The following HMOX2 variants were observed in gnomAD, a reference collection of about 807,000 sequenced individuals.
HMOX2 encodes the protein heme oxygenase 2, also known as heme oxygenase (decycling) 2.
Under a neutral mutation model 33.7 loss-of-function variants are expected in HMOX2, and 30 were observed. The observed-to-expected ratio is 0.89, with a 90% CI of 0.67 to 1.21. The LOEUF is 1.21. Ranked by LOEUF, HMOX2 falls within the 50% of genes most tolerant of loss-of-function variation. The pLI is 0.00. For synonymous variants in HMOX2, 155 were observed against 155.0 expected (o/e 1.00, Z 0.00); for missense variants, 403 against 399.1 (o/e 1.01, Z -0.08).
In HMOX2 at chr16:4,488,109, G is replaced by A. The variant is rs1018889005; in HGVS notation, c.-42+11622G>A. On this transcript the variant is annotated intron_variant, in intron 1 of 5. Transcript: ENST00000570646. The stretch of plus-strand genomic sequence containing the variant: ...TTGCACTCCATTGTTTCGCTGCAAC[G>A]AGAGGGAAACTCCATCTCAAAAAAA... 2.2e-5 allele frequency among the ~76,000 whole-genome samples: 3 copies of A among 138,506 alleles called. No homozygotes were observed. The East Asian group carries it at 6.2e-4, about 29-fold the overall frequency. The allele number at this position is 138,506 out of a possible 152,430, so 90.9% of individuals were successfully genotyped here. A position where few individuals can be genotyped will look rare whatever the true frequency, so the allele number is the denominator to read the frequency against.
chr16:4,501,719 C>T (rs1027597283), intron 1 of HMOX2, among the ~76,000 whole-genome samples: 4 of 152,132 alleles, frequency 2.6e-5, no homozygotes, highest in African/African-American at 9.7e-5. Context: ...GTATAGAAAC[C>T]AGCCAGACTA....
intron 1 of HMOX2, among the ~76,000 whole-genome samples, chr16:4,498,428 G>A (rs1188510260): frequency 1.3e-5 from 2 of 151,100 alleles, no homozygotes; most frequent in Non-Finnish European, 2.9e-5. Flanking sequence ...AGGCTGGAGT[G>A]CAACGGTGTG....
At chr16:4,488,972 T>C (rs2141548886) in intron 1 of HMOX2, among the ~76,000 whole-genome samples, 1 of 152,126 alleles carries the variant, frequency 6.6e-6, no homozygotes, top group Admixed American at 6.6e-5. Context: ...ATGACAGGCA[T>C]GTGCCACCAC....
Position 4,498,751 on chromosome 16 carries a change from T to C in HMOX2, c.-41-6733T>C, listed in dbSNP as rs933132393. Among the ~76,000 whole-genome samples, 5 of 152,228 alleles carry C rather than the reference T, an allele frequency of 3.3e-5. No individual in the cohort carries two copies. The South Asian group carries it at 6.2e-4, about 19-fold the overall frequency. ...CCGTGGGATTGAATTCCCCCAGCGA[T>C]TGAAATGAAAGGGCTTATGTATAAC... On this transcript the variant is annotated intron_variant, in intron 1 of 5. Coordinates refer to ENST00000570646, the MANE Select transcript of HMOX2 (RefSeq NM_002134.4).
intron 1 of HMOX2, among the ~76,000 whole-genome samples, chr16:4,485,682 T>A (rs1046106461): frequency 1.3e-5 from 2 of 152,156 alleles, no homozygotes; most frequent in Non-Finnish European, 2.9e-5. Flanking sequence ...GATAGACTCC[T>A]TTTAGAACAG....
chr16:4,486,075 C>G (rs914669522), intron 1 of HMOX2, among the ~76,000 whole-genome samples: 2 of 152,144 alleles, frequency 1.3e-5, no homozygotes, highest in African/African-American at 4.8e-5. Flanking sequence ...AATCTGAAGC[C>G]TTGCTCTGAT....
chr16:4,505,405 T>C (rs2141602317), intron 1 of HMOX2, 79 bp from the exon 2 acceptor site: 1 of 658,582 alleles, frequency 1.5e-6, no homozygotes, highest in Non-Finnish European at 2.7e-6. Flanking sequence ...ACATTCGCTC[T>C]GAGGAAAGCA....
intron 1 of HMOX2, among the ~76,000 whole-genome samples, chr16:4,483,364 T>TC (rs1475977658): frequency 1.3e-5 from 2 of 151,760 alleles, no homozygotes; most frequent in African/African-American, 4.8e-5. Flanking sequence ...CATGGTTGGT[T>TC]CCCCAGGCAA....
At chr16:4,497,803 G>T (rs2058458980) in intron 1 of HMOX2, among the ~76,000 whole-genome samples, 2 of 151,974 alleles carry the variant, frequency 1.3e-5, no homozygotes, top group South Asian at 4.1e-4. Context: ...TCACTTTGTT[G>T]CCCAGGATGG....
intron 1 of HMOX2, among the ~76,000 whole-genome samples, chr16:4,476,967 C>T (rs574387967): frequency 6.6e-6 from 1 of 152,238 alleles, no homozygotes; most frequent in Non-Finnish European, 1.5e-5. Flanking sequence ...TCCTCTAATG[C>T]CCTTATCTCT....
At chr16:4,480,898 C>T (rs1483393033) in intron 1 of HMOX2, among the ~76,000 whole-genome samples, 2 of 151,324 alleles carry the variant, frequency 1.3e-5, no homozygotes, top group African/African-American at 4.9e-5. Context: ...AGGTGATCCA[C>T]CTACCTCGGC....
At chr16:4,495,704 AAGAT>A (rs1342738401) in intron 1 of HMOX2, 2 of 152,380 alleles carry the variant, frequency 1.3e-5, no homozygotes, top group African/African-American at 4.8e-5. Flanking sequence ...AGTAGGCAGA[AAGAT>A]AGAACTGCTT....
At position 4,487,793 on chromosome 16, in the gene HMOX2, A is replaced by AC. The variant is rs544602711; in HGVS notation, c.-42+11306_-42+11307insC. Among the ~76,000 whole-genome samples, 548 of 150,218 alleles carry AC rather than the reference A, an allele frequency of 3.6e-3. 3 individuals are homozygous for AC. The highest frequency in any genetic ancestry group is 0.013 in the African/African-American group (524 of 40,736). On this transcript the variant is annotated intron_variant, in intron 1 of 5. Transcript: ENST00000570646. Reference sequence around the variant, plus strand: ...ACAGAGCGAGACTCCGTCTCAAAAAAAAAAAAAATTAGCCGGGCGCGGTGG... The same window carrying AC: ...ACAGAGCGAGACTCCGTCTCAAAAAACAAAAAAAATTAGCCGGGCGCGGTGG...
chr16:4,508,471 G>T (rs1393614872), intron 4 of HMOX2, among the ~76,000 whole-genome samples: 1 of 152,180 alleles, frequency 6.6e-6, no homozygotes, highest in Non-Finnish European at 1.5e-5. Context: ...GAAGAATGGA[G>T]CTGGCTTCCT....
intron 1 of HMOX2, chr16:4,481,681 G>T (rs976781984): frequency 6.6e-6 from 1 of 152,146 alleles, no homozygotes; most frequent in Non-Finnish European, 1.5e-5. Context: ...GGTACTTGAC[G>T]TGCAGAGCAA....
At chr16:4,498,061 C>CTTTTTTTT (rs35332500) in intron 1 of HMOX2, among the ~76,000 whole-genome samples, 15 of 104,424 alleles carry the variant, frequency 1.4e-4, no homozygotes, top group South Asian at 3.1e-4. Context: ...GATTCATTGT[C>CTTTTTTTT]TTTTTTTTTT....
intron 4 of HMOX2, 122 bp from the exon 5 acceptor site, chr16:4,509,290 G>C: frequency 7.9e-7 from 1 of 1,271,452 alleles, no homozygotes; most frequent in African/African-American, 1.5e-5. Flanking sequence ...CAGTGAGTTA[G>C]CCATGTTCAT....
chr16:4,494,359 T>G (rs1346612279), intron 1 of HMOX2, among the ~76,000 whole-genome samples: 1 of 151,734 alleles, frequency 6.6e-6, no homozygotes, highest in African/African-American at 2.4e-5. Flanking sequence ...ATTTAACACA[T>G]TGACTGGGCA....
intron 1 of HMOX2, among the ~76,000 whole-genome samples, chr16:4,501,330 A>T (rs1310754287): frequency 1.3e-5 from 2 of 152,276 alleles, no homozygotes; most frequent in Middle Eastern, 3.4e-3. Flanking sequence ...GATCCTTTTT[A>T]AAAAAATAAA....
Sources: gnomAD v4.1 joint callset for allele counts (sites outside exome capture counted in the v4.1 genomes callset) on GRCh38, gnomAD v4.1.1 for gene constraint, MANE v1.5 for transcripts, NCBI Gene and HGNC (gene_info 2026-07-23, HGNC 2026-07-21) for gene names.